CTCF: variants seen among roughly 807,000 people sequenced by gnomAD.
CTCF encodes transcriptional repressor CTCF.
A neutral mutation model predicts 72.3 loss-of-function variants in CTCF; 7 were observed. The observed-to-expected ratio is 0.10, with a 90% CI of 0.06 to 0.18. The LOEUF (loss-of-function observed/expected upper bound fraction) is 0.18. CTCF is among the 10% of genes least tolerant of loss of function. The probability of loss-of-function intolerance (pLI) is 1.00; values close to 1 mark genes in which losing one functional copy is unlikely to be tolerated. For missense variants in CTCF, 516 were observed against 949.1 expected (o/e 0.54, Z 6.00); for synonymous variants, 374 against 315.8 (o/e 1.18, Z -1.95).
intron 2 of CTCF, among the ~76,000 whole-genome samples, chr16:67,585,239 G>A (rs755389788): frequency 2.6e-5 from 4 of 152,026 alleles, no homozygotes; most frequent in Non-Finnish European, 4.4e-5. Flanking sequence ...AGTAGTGAAC[G>A]GGGTTTCACC....
At chr16:67,610,438 C>T (rs1054553683) in intron 2 of CTCF, among the ~76,000 whole-genome samples, 4 of 150,912 alleles carry the variant, frequency 2.7e-5, no homozygotes, top group Admixed American at 6.6e-5. Flanking sequence ...CTGCAAGCTC[C>T]GCCTCCTGGA....
chr16:67,602,917 T>G (rs1056402301), intron 2 of CTCF, among the ~76,000 whole-genome samples: 2 of 151,648 alleles, frequency 1.3e-5, no homozygotes, highest in Non-Finnish European at 2.9e-5. Flanking sequence ...TTGCAAAATC[T>G]AATTCTGTGG....
At position 67,629,746 on chromosome 16, in the gene CTCF, C is replaced by CTTTTTTT. The variant is rs71145978; in HGVS notation, c.1837+253_1837+259dup. Among the ~76,000 whole-genome samples, 9 of 63,362 alleles carry CTTTTTTT rather than the reference C, an allele frequency of 1.4e-4. 4 individuals are homozygous for CTTTTTTT. The highest frequency in any genetic ancestry group is 2.6e-4 in the Non-Finnish European group (9 of 34,120). The allele number at this position is 63,362 out of a possible 152,430, so 41.6% of individuals were successfully genotyped here. A position where few individuals can be genotyped will look rare whatever the true frequency, so the allele number is the denominator to read the frequency against. On this transcript the variant is annotated intron_variant, in intron 10 of 11. Coordinates refer to ENST00000264010, the MANE Select transcript of CTCF (RefSeq NM_006565.4). ...TCGTGGCATTCCGCTCATTAATGCCCTTTTTTTTTTTTTTTTTTTTTTTTT... is the reference window on the plus strand; with the variant it reads ...TCGTGGCATTCCGCTCATTAATGCCCTTTTTTTTTTTTTTTTTTTTTTTTTTTTTTTT...
At chr16:67,567,256 A>G (rs766240786) in intron 1 of CTCF, among the ~76,000 whole-genome samples, 14 of 152,186 alleles carry the variant, frequency 9.2e-5, no homozygotes, top group Non-Finnish European at 2.1e-4. Context: ...GGCATTGCAT[A>G]TAGACTGCCA....
rs147563151 is a variant in CTCF, at chr16:67,566,805, T to A, written c.-127+4081T>A. Among the ~76,000 whole-genome samples the A allele has an allele frequency of 9.8e-3, 1,494 of 152,184 alleles. 16 individuals are homozygous for A. Among genetic ancestry groups the A allele is most frequent in the Middle Eastern group, 0.014 (4 of 294 alleles). On this transcript the variant is annotated intron_variant, in intron 1 of 11. Transcript: ENST00000264010. ...CGTGTTAGCAAGGATGGTTTCGATC[T>A]CCTGACCTGCCCGCCTCCGCCTCTC... is the stretch of plus-strand genomic sequence containing the variant.
At chr16:67,566,515 T>TAAAAAA (rs377253111) in intron 1 of CTCF, among the ~76,000 whole-genome samples, 4 of 76,270 alleles carry the variant, frequency 5.2e-5, no homozygotes, top group South Asian at 1.2e-3. Flanking sequence ...GTCTCAAAAT[T>TAAAAAA]AAAAAAAAAA....
intron 2 of CTCF, among the ~76,000 whole-genome samples, chr16:67,573,490 G>A (rs888290641): frequency 1.3e-5 from 2 of 152,024 alleles, no homozygotes; most frequent in African/African-American, 4.8e-5. Context: ...AGACATTTTT[G>A]GAGCAGAATG....
At chr16:67,619,186 AG>A (rs1226709742) in intron 5 of CTCF, among the ~76,000 whole-genome samples, 2 of 152,220 alleles carry the variant, frequency 1.3e-5, no homozygotes, top group African/African-American at 4.8e-5. Flanking sequence ...CTGTAATCCC[AG>A]CACTTTGGGA....
rs554104623 is a variant in CTCF, at chr16:67,613,349, C to G, written c.952+1228C>G. ...GTGCTGGTTGTCAGATGACCATGATCAAGTGGGTGTTAATCATAAACAGTA... is the reference window on the plus strand; with the variant it reads ...GTGCTGGTTGTCAGATGACCATGATGAAGTGGGTGTTAATCATAAACAGTA... On this transcript the variant is annotated intron_variant, in intron 4 of 11. Transcript: ENST00000264010. 1.2e-4 allele frequency among the ~76,000 whole-genome samples: 19 copies of G among 152,308 alleles called. No individual in the cohort carries two copies. In the South Asian group the frequency reaches 3.5e-3, roughly 28 times the overall value.
intron 10 of CTCF, among the ~76,000 whole-genome samples, chr16:67,634,105 A>G (rs1158363514): frequency 1.3e-5 from 2 of 152,188 alleles, no homozygotes; most frequent in African/African-American, 4.8e-5. Context: ...ATTCCAGCAA[A>G]AGCATTTTTA....
chr16:67,633,781 G>GACACACACAC lies in CTCF; in HGVS notation c.1838-2884_1838-2875dup, dbSNP rs10587869. ...AAAAAGAATTTCCGTCTTGTCCCCTGACACACACACACACACACACACACA... is the reference window on the plus strand; with the variant it reads ...AAAAAGAATTTCCGTCTTGTCCCCTGACACACACACACACACACACACACACACACACACA... On this transcript the variant is annotated intron_variant, in intron 10 of 11. Coordinates refer to ENST00000264010, the MANE Select transcript of CTCF (RefSeq NM_006565.4). Among the ~76,000 whole-genome samples, 58 of 143,200 alleles carry GACACACACAC rather than the reference G, an allele frequency of 4.1e-4. 1 individual carries two copies. Among genetic ancestry groups the GACACACACAC allele is most frequent in the Admixed American group, 9.1e-4 (13 of 14,268 alleles). The allele number at this position is 143,200 out of a possible 152,430, so 93.9% of individuals were successfully genotyped here.
intron 5 of CTCF, among the ~76,000 whole-genome samples, chr16:67,617,207 A>T (rs191678726): frequency 6.6e-6 from 1 of 151,882 alleles, no homozygotes; most frequent in African/African-American, 2.4e-5. Flanking sequence ...ACTAAAAAAT[A>T]AAAAATTTAG....
At chr16:67,604,232 C>T (rs921088594) in intron 2 of CTCF, among the ~76,000 whole-genome samples, 1 of 152,078 alleles carries the variant, frequency 6.6e-6, no homozygotes, top group Non-Finnish European at 1.5e-5. Context: ...TCACTGGAGC[C>T]CAGGAGTTGG....
intron 4 of CTCF, chr16:67,616,403 C>A: frequency 4.9e-6 from 1 of 202,474 alleles, no homozygotes; most frequent in South Asian, 9.6e-5. Context: ...GGATTAGAGG[C>A]ATGAGCCACC....
intron 11 of CTCF, among the ~76,000 whole-genome samples, chr16:67,637,459 G>A (rs1307624061): frequency 1.3e-5 from 2 of 152,156 alleles, no homozygotes; most frequent in African/African-American, 4.8e-5. Context: ...TTTAACCCGG[G>A]GGGCAGAGGT....
At chr16:67,602,842 C>CAA (rs75191313) in intron 2 of CTCF, among the ~76,000 whole-genome samples, 38 of 55,316 alleles carry the variant, frequency 6.9e-4, no homozygotes, top group Admixed American at 1.8e-3. Flanking sequence ...ACTCCATCTC[C>CAA]AAAAAAAAAA....
intron 4 of CTCF, chr16:67,616,051 G>A (rs1467548614): frequency 6.6e-6 from 1 of 152,200 alleles, no homozygotes; most frequent in Non-Finnish European, 1.5e-5. Flanking sequence ...GATTCCTTCA[G>A]TGAAAGACAA....
At chr16:67,619,502 T>C (rs1483576781) in intron 5 of CTCF, among the ~76,000 whole-genome samples, 1 of 152,208 alleles carries the variant, frequency 6.6e-6, no homozygotes, top group Non-Finnish European at 1.5e-5. Context: ...TGTTTGTTTG[T>C]TTCCTTAAAA....
At chr16:67,594,867 T>C (rs543252063) in intron 2 of CTCF, among the ~76,000 whole-genome samples, 1 of 152,250 alleles carries the variant, frequency 6.6e-6, no homozygotes, top group South Asian at 2.1e-4. Context: ...CATAGAACAT[T>C]ATGCTACAGT....
Sources: gnomAD v4.1 joint callset for allele counts (sites outside exome capture counted in the v4.1 genomes callset) on GRCh38, gnomAD v4.1.1 for gene constraint, MANE v1.5 for transcripts, NCBI Gene and HGNC (gene_info 2026-07-23, HGNC 2026-07-21) for gene names.